Variants in CD109 observed in about 807,000 individuals in gnomAD.
CD109 encodes CD109 molecule.
A neutral mutation model predicts 165.8 loss-of-function variants in CD109; 149 were observed. The observed-to-expected ratio is 0.90, with a 90% CI of 0.79 to 1.03. CD109 has a LOEUF of 1.03. Among genes scored for constraint, CD109 ranks in the 50% least tolerant of loss-of-function variants. The pLI is 0.00. For synonymous variants in CD109, 585 were observed against 592.1 expected, an observed-to-expected ratio of 0.99 and a Z score of 0.18; for missense variants, 1,712 against 1,677.8, an observed-to-expected ratio of 1.02 and a Z score of -0.36.
rs1774552675 is a variant in CD109 at position 73,782,751 on chromosome 6, A to G, written c.2101A>G (p.Met701Val). 2.5e-6 allele frequency: 4 copies of G among 1,613,454 alleles called. No individual in the cohort carries two copies. Among genetic ancestry groups the G allele is most frequent in the African/African-American group, 1.3e-5 (1 of 74,912 alleles). The change falls in exon 18 of 33, where the codon ATG (methionine) becomes GTG (valine). Residue 701 changes from methionine to valine, a missense_variant. Met to Val is a conservative substitution (Grantham distance 21). Transcript: ENST00000287097. The stretch of plus-strand genomic sequence containing the variant: ...GACTTGGATTTGGCTAGACACCAAC[A>G]TGGGGTAAAAATTTATAAAGTTCTT... ...PETWIWLDTN[M>V]GYRIYQEFEV... is the part of the protein sequence containing the mutation.
chr6:73,766,105 T>G lies in CD109; in HGVS notation c.1283T>G (p.Phe428Cys). The G allele has an allele frequency of 6.2e-7, 1 of 1,614,126 alleles. No homozygotes were observed. The highest frequency in any genetic ancestry group is 1.1e-5 in the South Asian group (1 of 91,082). Residue 428 changes from phenylalanine to cysteine, a missense_variant, in exon 11 of 33, where the codon TTT becomes TGT. By Grantham distance (205) the Phe-to-Cys change is radical. Coordinates refer to ENST00000287097, the MANE Select transcript of CD109 (RefSeq NM_133493.5). Reference protein sequence around the residue: ...INYTVPQSGTFKIEFPILEDS... With the variant: ...INYTVPQSGTCKIEFPILEDS... ...TATACTGTCCCCCAAAGTGGAACTT[T>G]TAAGATTGAATTCCCAATCCTGGAG...
intron 4 of CD109, among the ~76,000 whole-genome samples, chr6:73,735,889 G>A (rs1350515738): frequency 6.6e-6 from 1 of 152,024 alleles, no homozygotes; most frequent in East Asian, 1.9e-4. Context: ...TTAATAAATG[G>A]GGCCTGTTAT....
At chr6:73,725,345 G>A (rs1019403447) in intron 3 of CD109, among the ~76,000 whole-genome samples, 1 of 152,114 alleles carries the variant, frequency 6.6e-6, no homozygotes, top group Non-Finnish European at 1.5e-5. Flanking sequence ...CACAATAATT[G>A]TCTGGTTTCC....
In CD109 at chr6:73,762,729, T is replaced by C; in HGVS notation, c.856-12T>C. On this transcript the variant is annotated splice_polypyrimidine_tract_variant and intron_variant, in intron 8 of 32. Coordinates refer to ENST00000287097, the MANE Select transcript of CD109 (RefSeq NM_133493.5). ...AAAATGGTAAATAATACTGAACTTT[T>C]AAACAAAACAGATAAATGGATCTGC... The C allele has an allele frequency of 1.3e-6, 2 of 1,585,508 alleles. No individual in the cohort carries two copies. Among genetic ancestry groups the C allele is most frequent in the Non-Finnish European group, 1.7e-6 (2 of 1,164,418 alleles).
In CD109 at chr6:73,792,666, GA is replaced by G. The variant is rs1215068154; in HGVS notation, c.2743del (p.Ile915PhefsTer12). ...GPSINGLASL[I>X]RMPYGCGEQN... ...CTTCCATCAATGGCTTAGCCTCATTGATTCGGATGCCTTATGGCTGTGGTGA... is the reference window on the plus strand; with the variant it reads ...CTTCCATCAATGGCTTAGCCTCATTGTTCGGATGCCTTATGGCTGTGGTGA... On this transcript the variant is annotated frameshift_variant, in exon 23 of 33. Coordinates refer to ENST00000287097, the MANE Select transcript of CD109 (RefSeq NM_133493.5). LOFTEE classifies it high-confidence loss of function. The G allele has an allele frequency of 1.2e-6, 2 of 1,613,204 alleles. No homozygotes were observed. The highest frequency in any genetic ancestry group is 2.7e-5 in the African/African-American group (2 of 74,920).
rs911404047 is a variant in CD109 at position 73,761,052 on chromosome 6, C to T, written c.759-1332C>T. Among the ~76,000 whole-genome samples the T allele has an allele frequency of 3.3e-5, 5 of 151,514 alleles. 1 individual carries two copies. The South Asian group carries it at 1.0e-3, about 32-fold the overall frequency. Reference sequence around the variant, plus strand: ...ACACACACACACACACACACACACACACACACACACACACACACAAACCCA... The same window carrying T: ...ACACACACACACACACACACACACATACACACACACACACACACAAACCCA... On this transcript the variant is annotated intron_variant, in intron 7 of 32. Coordinates refer to ENST00000287097, the MANE Select transcript of CD109 (RefSeq NM_133493.5).
At chr6:73,777,052 G>A (rs9447012) in intron 15 of CD109, among the ~76,000 whole-genome samples, 45,916 of 106,226 alleles carry the variant, frequency 0.43, 9,131 homozygotes, top group East Asian at 0.56. Flanking sequence ...TCCACCTCCC[G>A]GGTTCAAGTG....
chr6:73,759,164 T>C (rs1773518247), intron 7 of CD109, 136 bp downstream of exon 7: 1 of 619,358 alleles, frequency 1.6e-6, no homozygotes, highest in African/African-American at 1.9e-5. Flanking sequence ...TGACTATTTA[T>C]AATAAATAAT....
chr6:73,806,265 A>G lies in CD109; in HGVS notation c.2961-579A>G, dbSNP rs1775558873. 2.6e-5 allele frequency among the ~76,000 whole-genome samples: 4 copies of G among 152,112 alleles called. No homozygotes were observed. In the South Asian group the frequency reaches 8.3e-4, roughly 32 times the overall value. On this transcript the variant is annotated intron_variant, in intron 24 of 32. Coordinates refer to ENST00000287097, the MANE Select transcript of CD109 (RefSeq NM_133493.5). ...TTCTCAGCAAACTATCGCAAGGACA[A>G]AAAACCAAACACCACATGTTCTCAC...
At chr6:73,700,223 C>T (rs1037326267) in intron 2 of CD109, among the ~76,000 whole-genome samples, 2 of 151,708 alleles carry the variant, frequency 1.3e-5, no homozygotes, top group Admixed American at 6.6e-5. Context: ...GCTGGGACTA[C>T]AGGCAAGTGC....
chr6:73,749,226 G>A (rs1773092994), intron 5 of CD109, among the ~76,000 whole-genome samples: 1 of 152,208 alleles, frequency 6.6e-6, no homozygotes, highest in Admixed American at 6.5e-5. Context: ...GGAGTCCTAA[G>A]ACCTGGGTAC....
intron 5 of CD109, among the ~76,000 whole-genome samples, chr6:73,749,616 G>C (rs1022595566): frequency 1.3e-5 from 2 of 152,190 alleles, no homozygotes; most frequent in Admixed American, 1.3e-4. Flanking sequence ...TTCAATCAGT[G>C]ATGCAAATTT....
At chr6:73,696,420 C>T (rs531317245) in intron 1 of CD109, 131 bp downstream of exon 1, 2 of 692,476 alleles carry the variant, frequency 2.9e-6, no homozygotes, top group African/African-American at 3.8e-5. Context: ...CGGCTGCAGT[C>T]CCCAGCCTGG....
In CD109 at chr6:73,773,564, G is replaced by A. The variant is rs552322054; in HGVS notation, c.1827+1983G>A. ...TGTTTTGGTGATTTAGAAGTTATGC[G>A]TTCTATTTTTGTTACTCTGTTAGTT... On this transcript the variant is annotated intron_variant, in intron 15 of 32. Transcript: ENST00000287097. Among the ~76,000 whole-genome samples, 246 of 152,016 alleles carry A rather than the reference G, an allele frequency of 1.6e-3. 2 individuals carry two copies. Among genetic ancestry groups the A allele is most frequent in the African/African-American group, 5.2e-3 (217 of 41,492 alleles).
Position 73,774,941 on chromosome 6 carries a change from CT to C in CD109, c.1827+3372del, listed in dbSNP as rs200608234. Among the ~76,000 whole-genome samples, 279 of 143,232 alleles carry C rather than the reference CT, an allele frequency of 1.9e-3. 1 individual carries two copies. The highest frequency in any genetic ancestry group is 4.2e-3 in the African/African-American group (165 of 39,250). 94.0% of individuals were successfully genotyped at this position (143,232 alleles called of 152,430 possible). ...CTGTCATAGTAGACTGTTTTGGCTT[CT>C]TTTTTTTTTTTGTTAAATTTATATG... On this transcript the variant is annotated intron_variant, in intron 15 of 32. Transcript: ENST00000287097.
At chr6:73,690,424 G>A in the CD109 span, among the ~76,000 whole-genome samples, 2 of 151,888 alleles carry the variant, frequency 1.3e-5, no homozygotes, top group South Asian at 2.1e-4. Flanking sequence ...TTTTTGAGAC[G>A]GAGTTTCGCT....
At chr6:73,737,626 C>G (rs1208020194) in intron 5 of CD109, among the ~76,000 whole-genome samples, 2 of 152,090 alleles carry the variant, frequency 1.3e-5, no homozygotes, top group Non-Finnish European at 2.9e-5. Flanking sequence ...TAATAATAAC[C>G]ACTGTTATAA....
chr6:73,799,455 G>T (rs981080749), intron 23 of CD109, among the ~76,000 whole-genome samples: 1 of 152,304 alleles, frequency 6.6e-6, no homozygotes, highest in African/African-American at 2.4e-5. Flanking sequence ...AAGGAAAGAG[G>T]TTTAATTGGC....
At chr6:73,789,449 CT>C (rs1201829043) in intron 22 of CD109, among the ~76,000 whole-genome samples, 1 of 144,162 alleles carries the variant, frequency 6.9e-6, no homozygotes, top group African/African-American at 2.6e-5. Flanking sequence ...TTGAAATTTG[CT>C]GTCTGAGCAT....
Sources: allele counts gnomAD v4.1 joint callset (sites outside exome capture counted in the v4.1 genomes callset), GRCh38; gene constraint gnomAD v4.1.1; transcripts MANE v1.5; gene names NCBI Gene and HGNC (gene_info 2026-07-23, HGNC 2026-07-21).